Variants in CCSER2 observed in about 807,000 individuals in gnomAD.
CCSER2 encodes coiled-coil serine rich protein 2.
A neutral mutation model predicts 92.3 loss-of-function variants in CCSER2; 46 were observed. The observed-to-expected ratio is 0.50, with a 90% CI of 0.39 to 0.64. The LOEUF is 0.64. Ranked by LOEUF, CCSER2 falls within the 30% of genes least tolerant of loss-of-function variation. The probability of loss-of-function intolerance (pLI) is 0.00; values close to 1 mark genes in which losing one functional copy is unlikely to be tolerated. For synonymous variants in CCSER2, 433 were observed against 431.4 expected (o/e 1.00, Z -0.04); for missense variants, 1,244 against 1,238.9 (o/e 1.00, Z -0.06).
chr10:84,380,101 A>G (rs1030902949), intron 3 of CCSER2, among the ~76,000 whole-genome samples: 2 of 152,232 alleles, frequency 1.3e-5, no homozygotes, highest in African/African-American at 4.8e-5. Flanking sequence ...CTACCAGTGT[A>G]TACCTTCCAG....
intron 1 of CCSER2, 82 bp from the exon 2 acceptor site, chr10:84,370,932 G>GATACTC: frequency 1.6e-6 from 1 of 629,718 alleles, no homozygotes; most frequent in East Asian, 3.0e-5. Context: ...GCGTATAAAA[G>GATACTC]TGTAAGTATC....
intron 1 of CCSER2, among the ~76,000 whole-genome samples, chr10:84,351,049 A>G (rs188513952): frequency 2.6e-5 from 4 of 152,356 alleles, no homozygotes; most frequent in Non-Finnish European, 5.9e-5. Flanking sequence ...AATAACAAAT[A>G]TAACTGTAGA....
chr10:84,351,260 A>T (rs1317927396), intron 1 of CCSER2, among the ~76,000 whole-genome samples: 1 of 151,396 alleles, frequency 6.6e-6, no homozygotes, highest in Admixed American at 6.6e-5. Flanking sequence ...TTTTCCTTTG[A>T]GACAGAGTCT....
chr10:84,349,546 G>A (rs568607767), intron 1 of CCSER2, among the ~76,000 whole-genome samples: 1 of 152,094 alleles, frequency 6.6e-6, no homozygotes, highest in Non-Finnish European at 1.5e-5. Flanking sequence ...GCTGGGTGTG[G>A]TGGCATGTGC....
At chr10:84,432,687 G>A (rs1843850795) in intron 5 of CCSER2, among the ~76,000 whole-genome samples, 2 of 152,064 alleles carry the variant, frequency 1.3e-5, no homozygotes, top group South Asian at 4.1e-4. Flanking sequence ...TTATTCTCTT[G>A]ATAGTACTTT....
chr10:84,366,635 G>T (rs955415524), intron 1 of CCSER2, among the ~76,000 whole-genome samples: 10 of 152,192 alleles, frequency 6.6e-5, no homozygotes, highest in African/African-American at 2.4e-4. Flanking sequence ...CAAAGGCAAA[G>T]AAGTTAGAAA....
rs568870875 is a variant in CCSER2 at position 84,459,865 on chromosome 10, A to G, written c.2065-4068A>G. ...TTTATCAGGTTGAGCAAGTTCTTTT[A>G]TTCCTAGCTTTCTGAGTTTTTTTTA... On this transcript the variant is annotated intron_variant, in intron 6 of 9. Transcript: ENST00000372088. 5.9e-5 allele frequency among the ~76,000 whole-genome samples: 9 copies of G among 151,834 alleles called. No homozygotes were observed. The South Asian group carries it at 1.5e-3, about 25-fold the overall frequency.
chr10:84,416,633 A>G (rs567921876), intron 3 of CCSER2, among the ~76,000 whole-genome samples: 44 of 152,308 alleles, frequency 2.9e-4, no homozygotes, highest in Non-Finnish European at 3.8e-4. Context: ...TTTCCCTTCT[A>G]TAAGAGTTTT....
chr10:84,375,208 A>T (rs2133187055), intron 3 of CCSER2, among the ~76,000 whole-genome samples: 1 of 152,292 alleles, frequency 6.6e-6, no homozygotes, highest in Non-Finnish European at 1.5e-5. Flanking sequence ...GCTTTCTGTC[A>T]AAGATTTCAG....
At chr10:84,381,995 C>T (rs1840941790) in intron 3 of CCSER2, among the ~76,000 whole-genome samples, 1 of 151,442 alleles carries the variant, frequency 6.6e-6, no homozygotes, top group African/African-American at 2.4e-5. Context: ...CAACTGGTTG[C>T]TGGAGGTATT....
At chr10:84,419,323 C>T (rs918914264) in intron 4 of CCSER2, among the ~76,000 whole-genome samples, 7 of 146,750 alleles carry the variant, frequency 4.8e-5, no homozygotes, top group Admixed American at 3.5e-4. Flanking sequence ...AGAAAGGAGC[C>T]CATAAAATTA....
At chr10:84,340,036 T>C (rs1432122850) in intron 1 of CCSER2, among the ~76,000 whole-genome samples, 10 of 151,594 alleles carry the variant, frequency 6.6e-5, no homozygotes, top group African/African-American at 2.2e-4. Flanking sequence ...AGAGGCGGGG[T>C]TTCACTATGT....
chr10:84,517,570 T>C lies in CCSER2; in HGVS notation c.*3303T>C, dbSNP rs529300284. The stretch of plus-strand genomic sequence containing the variant: ...ATTGCTTGAAGTTGTGCCTGAAATA[T>C]CGAATTGCCTCCTATTGGGTGTGGC... On this transcript the variant is annotated 3_prime_UTR_variant, in exon 10 of 10. Coordinates refer to ENST00000372088, the MANE Select transcript of CCSER2 (RefSeq NM_001284240.2). The C allele has an allele frequency of 1.3e-5, 2 of 152,744 alleles. No homozygotes were observed. The highest frequency in any genetic ancestry group is 3.9e-4 in the East Asian group (2 of 5,182). The allele number at this position is 152,744 out of a possible 1,614,324, so 9.5% of individuals were successfully genotyped here.
chr10:84,419,364 A>AAAAAAAAAAATAAAAAT lies in CCSER2; in HGVS notation c.1705+1507_1705+1508insAAAAAATAAAAATAAAA, dbSNP rs749756409. Among the ~76,000 whole-genome samples, 7 of 149,980 alleles carry AAAAAAAAAAATAAAAAT rather than the reference A, an allele frequency of 4.7e-5. No individual in the cohort carries two copies. The East Asian group carries it at 5.9e-4, about 13-fold the overall frequency. On this transcript the variant is annotated intron_variant, in intron 4 of 9. Transcript: ENST00000372088. Reference sequence around the variant, plus strand: ...AAACCAGCTCCCTTCTCAAAAAAAAAAAAATAAAATAAAGAAAAACACCCA... The same window carrying AAAAAAAAAAATAAAAAT: ...AAACCAGCTCCCTTCTCAAAAAAAAAAAAAAAAAAATAAAAATAAAATAAAATAAAGAAAAACACCCA...
intron 3 of CCSER2, among the ~76,000 whole-genome samples, chr10:84,374,645 A>G (rs973772063): frequency 2.6e-5 from 4 of 152,236 alleles, no homozygotes; most frequent in African/African-American, 7.2e-5. Context: ...GGAATCAGCT[A>G]TGGGCAAGTG....
intron 6 of CCSER2, among the ~76,000 whole-genome samples, chr10:84,457,301 AATATGTTATATAT>A (rs1845744215): frequency 7.5e-5 from 4 of 53,382 alleles, no homozygotes; most frequent in Non-Finnish European, 1.0e-4. Flanking sequence ...TATTATATAT[AATATGTTATATAT>A]AATATATTAT....
chr10:84,353,068 G>A (rs760375937), intron 1 of CCSER2, among the ~76,000 whole-genome samples: 29 of 152,218 alleles, frequency 1.9e-4, no homozygotes, highest in Non-Finnish European at 4.1e-4. Flanking sequence ...CTGGGATTAC[G>A]GGCGTGAGCC....
intron 3 of CCSER2, among the ~76,000 whole-genome samples, chr10:84,387,269 A>T (rs1177456692): frequency 1.3e-5 from 2 of 151,980 alleles, no homozygotes; most frequent in Non-Finnish European, 2.9e-5. Context: ...CAATGATGAG[A>T]CCCCATGGCA....
At position 84,392,157 on chromosome 10, in the gene CCSER2, CG is replaced by C. The variant is rs1841557381; in HGVS notation, c.1614+18344del. ...ACCCTTTACGGGGGGAAGGGTAAAC[CG>C]GTAGGGAATACACTACAATCTCAAC... On this transcript the variant is annotated intron_variant, in intron 3 of 9. Transcript: ENST00000372088. 8.8e-6 allele frequency: 5 copies of C among 565,596 alleles called. No individual in the cohort carries two copies. In the South Asian group the frequency reaches 9.2e-5, roughly 10 times the overall value. The allele number at this position is 565,596 out of a possible 1,614,324, so 35.0% of individuals were successfully genotyped here.
Sources: allele counts gnomAD v4.1 joint callset (sites outside exome capture counted in the v4.1 genomes callset), GRCh38; gene constraint gnomAD v4.1.1; transcripts MANE v1.5; gene names NCBI Gene and HGNC (gene_info 2026-07-23, HGNC 2026-07-21).